PCGF3: variants seen among roughly 807,000 people sequenced by gnomAD.
PCGF3 encodes the protein polycomb group ring finger 3.
In PCGF3, 7 loss-of-function variants were observed where a neutral mutation model predicts 33.1. The ratio of observed to expected loss-of-function variants is 0.21; its 90% CI spans 0.12 to 0.40. PCGF3 has a LOEUF of 0.40. PCGF3 is among the 10% of genes least tolerant of loss of function. The probability of loss-of-function intolerance (pLI) is 1.00; values close to 1 mark genes in which losing one functional copy is unlikely to be tolerated. For synonymous variants in PCGF3, 153 were observed against 121.3 expected (o/e 1.26, Z -1.72); for missense variants, 211 against 313.3 (o/e 0.67, Z 2.46).
intron 6 of PCGF3, 30 bp downstream of exon 6, chr4:737,551 G>A (rs1468024561): frequency 1.3e-6 from 2 of 1,481,514 alleles, no homozygotes; most frequent in Admixed American, 3.3e-5. Context: ...GCTGATCCCT[G>A]AGGTCCCAGC....
At chr4:763,020 G>A (rs937217209) in intron 9 of PCGF3, among the ~76,000 whole-genome samples, 6 of 152,018 alleles carry the variant, frequency 3.9e-5, no homozygotes, top group African/African-American at 1.5e-4. Context: ...GGTCATGGGG[G>A]GCCAATGCCA....
At chr4:762,711 A>G (rs938169468) in intron 9 of PCGF3, 1 of 152,302 alleles carries the variant, frequency 6.6e-6, no homozygotes, top group Non-Finnish European at 1.5e-5. Flanking sequence ...TGGCAGCAGC[A>G]CGGAATGGAC....
chr4:713,565 G>A (rs1742677593), intron 1 of PCGF3, among the ~76,000 whole-genome samples: 2 of 151,924 alleles, frequency 1.3e-5, no homozygotes, highest in South Asian at 4.2e-4. Context: ...GTGGCCTCAT[G>A]GATCCTGTGT....
At chr4:730,906 C>T (rs151318744) in intron 2 of PCGF3, 64 bp from the exon 3 acceptor site, 7 of 397,504 alleles carry the variant, frequency 1.8e-5, no homozygotes, top group Admixed American at 4.4e-5. Flanking sequence ...GTAGGAATGG[C>T]GGAGTTGTGG....
chr4:707,206 CCTGG>C (rs1742344354), intron 1 of PCGF3, among the ~76,000 whole-genome samples: 4 of 128,364 alleles, frequency 3.1e-5, no homozygotes, highest in Admixed American at 3.0e-4. Context: ...GACCTGGCCA[CCTGG>C]CAGGGCCCGG....
At chr4:713,875 G>C (rs1742690537) in intron 1 of PCGF3, among the ~76,000 whole-genome samples, 1 of 152,116 alleles carries the variant, frequency 6.6e-6, no homozygotes, top group African/African-American at 2.4e-5. Flanking sequence ...GGCCACGAGG[G>C]CTCACCTTAA....
At chr4:750,318 G>A (rs1272913434) in intron 8 of PCGF3, among the ~76,000 whole-genome samples, 1 of 152,156 alleles carries the variant, frequency 6.6e-6, no homozygotes, top group Non-Finnish European at 1.5e-5. Flanking sequence ...CTTCCCGGGC[G>A]GTCAGGGAGT....
chr4:750,163 G>A (rs138188193), intron 8 of PCGF3, among the ~76,000 whole-genome samples: 9 of 152,330 alleles, frequency 5.9e-5, no homozygotes, highest in African/African-American at 1.9e-4. Context: ...GCTCCCTGCG[G>A]ACTTTGATGA....
intron 1 of PCGF3, among the ~76,000 whole-genome samples, chr4:712,119 T>C (rs778696866): frequency 6.6e-6 from 1 of 152,202 alleles, no homozygotes; most frequent in Non-Finnish European, 1.5e-5. Context: ...GCTTCAAAAA[T>C]TGAAATTATT....
intron 8 of PCGF3, among the ~76,000 whole-genome samples, chr4:751,617 TAA>T (rs951711336): frequency 6.9e-6 from 1 of 144,372 alleles, no homozygotes. Context: ...TACTAAGCAT[TAA>T]AAAAAAAAAA....
chr4:717,792 G>C (rs918397987), intron 1 of PCGF3, among the ~76,000 whole-genome samples: 2 of 152,266 alleles, frequency 1.3e-5, no homozygotes, highest in African/African-American at 2.4e-5. Context: ...CTGAGCGAGA[G>C]GGCCGAGAAT....
intron 1 of PCGF3, among the ~76,000 whole-genome samples, chr4:726,074 G>A (rs956117049): frequency 6.6e-6 from 1 of 152,206 alleles, no homozygotes; most frequent in Non-Finnish European, 1.5e-5. Context: ...CGGGCGGGAT[G>A]GGCTGTGGGG....
intron 8 of PCGF3, among the ~76,000 whole-genome samples, chr4:755,758 T>G (rs577046002): frequency 4.6e-5 from 7 of 152,190 alleles, no homozygotes; most frequent in African/African-American, 1.7e-4. Context: ...CCCCCTGGGC[T>G]CTCTGCTCTG....
rs1257593230 is a variant in PCGF3 at position 723,114 on chromosome 4, C to T, written c.-189-7516C>T. 8.0e-5 allele frequency among the ~76,000 whole-genome samples: 12 copies of T among 150,204 alleles called. No homozygotes were observed. In the South Asian group the frequency reaches 1.7e-3, roughly 21 times the overall value. ...CGCGCCGGGTCCACACTCGCGTCAT[C>T]GCCGTCCGTGCCGGGTCCACACTCA... On this transcript the variant is annotated intron_variant, in intron 1 of 10. Coordinates refer to ENST00000362003, the Ensembl canonical transcript of PCGF3.
At chr4:708,105 T>TGG (rs1742413594) in intron 1 of PCGF3, among the ~76,000 whole-genome samples, 2 of 151,864 alleles carry the variant, frequency 1.3e-5, no homozygotes, top group Admixed American at 6.6e-5. Flanking sequence ...GCCGGGACCC[T>TGG]GAGACAGCCC....
intron 2 of PCGF3, 127 bp from the exon 3 acceptor site, chr4:730,843 T>G (rs918389252): frequency 2.5e-6 from 1 of 395,204 alleles, no homozygotes; most frequent in African/African-American, 2.1e-5. Flanking sequence ...GGTCAGTACT[T>G]CTGATTGACC....
chr4:760,052 C>G (rs73222806), intron 8 of PCGF3, among the ~76,000 whole-genome samples: 1,442 of 143,732 alleles, frequency 0.01, 33 homozygotes, highest in South Asian at 0.023. Flanking sequence ...CTCCATCCCA[C>G]CCCGGAGCAA....
At chr4:748,369 T>C (rs1265818588) in intron 8 of PCGF3, among the ~76,000 whole-genome samples, 1 of 151,878 alleles carries the variant, frequency 6.6e-6, no homozygotes, top group Non-Finnish European at 1.5e-5. Context: ...CTGGTTAACT[T>C]TTGTATTTTT....
Position 761,431 on chromosome 4 carries a change from C to G in PCGF3, c.600+15C>G, listed in dbSNP as rs761657243. 1 of 1,583,432 alleles carries G rather than the reference C, an allele frequency of 6.3e-7. No individual in the cohort carries two copies. On this transcript the variant is annotated intron_variant, in intron 9 of 10. Transcript: ENST00000362003. ...CCTTTAACGAGGTAACAGTTGATCC[C>G]TAAGTAGAAACCATAACAAGTCCTC...
Sources: gnomAD v4.1 joint callset for allele counts (sites outside exome capture counted in the v4.1 genomes callset) on GRCh38, gnomAD v4.1.1 for gene constraint, MANE v1.5 for transcripts, NCBI Gene and HGNC (gene_info 2026-07-23, HGNC 2026-07-21) for gene names.